MYPN: variants seen among roughly 807,000 people sequenced by gnomAD.
MYPN encodes the protein myopalladin, also known as sarcomeric protein myopalladin, 145 kDa (MYOP).
MYPN carries 63 observed loss-of-function variants against 129.4 expected under a neutral mutation model. The ratio of observed to expected loss-of-function variants is 0.49; its 90% confidence interval spans 0.40 to 0.60. The LOEUF is 0.60. MYPN is among the 20% of genes least tolerant of loss of function. The probability of loss-of-function intolerance (pLI) is 0.00; values close to 1 mark genes in which losing one functional copy is unlikely to be tolerated. For missense variants in MYPN, 1,596 were observed against 1,635.4 expected, an observed-to-expected ratio of 0.98 and a Z score of 0.42; for synonymous variants, 629 against 600.9, an observed-to-expected ratio of 1.05 and a Z score of -0.68.
rs1057523127 is a variant in MYPN at position 68,188,937 on chromosome 10, G to A, written c.2736G>A (p.Leu912=). ...EYKISSFEQR[L]MNEIEFRLER... is the part of the protein sequence containing the mutation. Reference sequence around the variant, plus strand: ...AAATTTCAAGCTTTGAGCAGAGGCTGATGAATGAAATAGAGTTTCGCTTGG... The same window carrying A: ...AAATTTCAAGCTTTGAGCAGAGGCTAATGAATGAAATAGAGTTTCGCTTGG... Residue 912 remains leucine, a synonymous_variant, in exon 13 of 20, where the codon CTG becomes CTA. Transcript: ENST00000358913. The A allele has an allele frequency of 1.2e-6, 2 of 1,614,050 alleles. No individual in the cohort carries two copies. The highest frequency in any genetic ancestry group is 2.7e-5 in the African/African-American group (2 of 75,058).
chr10:68,158,900 C>T (rs1241880040), intron 7 of MYPN, among the ~76,000 whole-genome samples: 1 of 105,578 alleles, frequency 9.5e-6, no homozygotes, highest in Non-Finnish European at 2.1e-5. Flanking sequence ...CACAGAGCCT[C>T]CTTACTTTTT....
intron 2 of MYPN, among the ~76,000 whole-genome samples, chr10:68,134,978 G>C (rs1276752022): frequency 6.6e-6 from 1 of 151,462 alleles, no homozygotes; most frequent in Non-Finnish European, 1.5e-5. Context: ...TTTGAAACAG[G>C]TCTCACTCCT....
chr10:68,102,998 C>A (rs1224569364), upstream of MYPN, among the ~76,000 whole-genome samples: 1 of 152,140 alleles, frequency 6.6e-6, no homozygotes, highest in African/African-American at 2.4e-5. Context: ...TTACATTGAA[C>A]CATGAATCTT....
intron 1 of MYPN, among the ~76,000 whole-genome samples, chr10:68,120,020 G>A (rs1042089388): frequency 1.3e-5 from 2 of 152,190 alleles, no homozygotes; most frequent in African/African-American, 4.8e-5. Flanking sequence ...TTCTATTATA[G>A]GATGTTAAAG....
At chr10:68,135,935 CA>C (rs1462706082) in intron 2 of MYPN, among the ~76,000 whole-genome samples, 2 of 152,062 alleles carry the variant, frequency 1.3e-5, no homozygotes, top group African/African-American at 4.8e-5. Context: ...GAGGGAATAA[CA>C]GAAGTTGGGA....
intron 1 of MYPN, among the ~76,000 whole-genome samples, chr10:68,097,920 G>A (rs965332804): frequency 1.3e-5 from 2 of 152,074 alleles, no homozygotes; most frequent in Non-Finnish European, 2.9e-5. Context: ...TAGTTCATGT[G>A]CATCATTATT....
chr10:68,104,116 A>G (rs1422580356), upstream of MYPN, among the ~76,000 whole-genome samples: 1 of 152,230 alleles, frequency 6.6e-6, no homozygotes, highest in Non-Finnish European at 1.5e-5. Context: ...AAATGAGAGT[A>G]ACTTAGACTA....
rs747764237 is a variant in MYPN, at chr10:68,166,427, C to T, written c.1734C>T (p.Leu578=). The stretch of plus-strand genomic sequence containing the variant: ...TGGAACAACCCCCCAAACCCAAACT[C>T]GAGGGGGTTCTGGTGAACCACAATG... ...PSVEQPPKPK[L]EGVLVNHNEP... Residue 578 remains leucine (L), a synonymous_variant, in exon 10 of 20, where the codon CTC becomes CTT. Coordinates refer to ENST00000358913, the MANE Select transcript of MYPN (RefSeq NM_032578.4). 1.1e-5 allele frequency: 17 copies of T among 1,614,100 alleles called. No homozygotes were observed. Among genetic ancestry groups the T allele is most frequent in the Middle Eastern group, 3.3e-4 (2 of 6,060 alleles).
intron 5 of MYPN, among the ~76,000 whole-genome samples, chr10:68,149,693 G>A (rs1011502137): frequency 6.6e-6 from 1 of 152,160 alleles, no homozygotes; most frequent in Non-Finnish European, 1.5e-5. Context: ...GTGCAGAGGG[G>A]TCAAGTTTTA....
intron 1 of MYPN, among the ~76,000 whole-genome samples, chr10:68,095,845 T>C (rs879528716): frequency 6.6e-6 from 1 of 152,104 alleles, no homozygotes. Context: ...GTGGTGACAA[T>C]GGCTGTACAA....
At chr10:68,153,572 C>T (rs1218331752) in intron 6 of MYPN, among the ~76,000 whole-genome samples, 2 of 152,144 alleles carry the variant, frequency 1.3e-5, no homozygotes, top group East Asian at 3.9e-4. Flanking sequence ...TGTGCTTTTG[C>T]CTCCATAAAT....
At chr10:68,118,381 G>A (rs2042188117) in intron 1 of MYPN, among the ~76,000 whole-genome samples, 1 of 152,118 alleles carries the variant, frequency 6.6e-6, no homozygotes, top group African/African-American at 2.4e-5. Context: ...AGAAACCAAA[G>A]CTCAAATAAG....
At chr10:68,149,047 G>A (rs188690184) in intron 5 of MYPN, among the ~76,000 whole-genome samples, 44 of 152,092 alleles carry the variant, frequency 2.9e-4, no homozygotes, top group Non-Finnish European at 4.7e-4. Context: ...GCAACATAGC[G>A]AGACCCTATC....
At chr10:68,161,897 T>C in intron 8 of MYPN, 145 bp downstream of exon 8, 1 of 632,406 alleles carries the variant, frequency 1.6e-6, no homozygotes, top group Non-Finnish European at 2.7e-6. Flanking sequence ...GTGCAGTGGC[T>C]CATGTCTGTA....
At position 68,184,397 on chromosome 10, in the gene MYPN, G is replaced by A. The variant is rs116801717; in HGVS notation, c.2704-4508G>A. On this transcript the variant is annotated intron_variant, in intron 12 of 19. Transcript: ENST00000358913. ...AGATTTACCAGAGTAAACACGAGGA[G>A]TCCAGAGTAAACCCAGATCCTGTGT... Among the ~76,000 whole-genome samples the A allele has an allele frequency of 3.2e-3, 482 of 152,210 alleles. 4 individuals carry two copies. The highest frequency in any genetic ancestry group is 0.011 in the African/African-American group (460 of 41,536).
chr10:68,155,636 C>T (rs577316848), intron 6 of MYPN, among the ~76,000 whole-genome samples: 10 of 152,292 alleles, frequency 6.6e-5, no homozygotes, highest in Admixed American at 2.0e-4. Flanking sequence ...TTGTGATGAA[C>T]GTGATGACAG....
At chr10:68,094,221 C>G (rs569701649) in intron 1 of MYPN, among the ~76,000 whole-genome samples, 1 of 152,050 alleles carries the variant, frequency 6.6e-6, no homozygotes, top group South Asian at 2.1e-4. Flanking sequence ...GCCTAATCTG[C>G]TGGGAATGCA....
At chr10:68,128,566 G>A (rs2042360784) in intron 2 of MYPN, among the ~76,000 whole-genome samples, 1 of 152,106 alleles carries the variant, frequency 6.6e-6, no homozygotes, top group Admixed American at 6.5e-5. Context: ...TAGACACTAA[G>A]GTTAAAGCAG....
rs1417731650 is a variant in MYPN, at chr10:68,201,861, G to C, written c.3526G>C (p.Glu1176Gln). Residue 1176 changes from glutamate (E) to glutamine (Q), a missense_variant, in exon 18 of 20, where the codon GAG becomes CAG. Transcript: ENST00000358913. ...KEVKKAPVIL[E>Q]KLQNCGVPEG... Reference sequence around the variant, plus strand: ...GGTGAAGAAAGCACCTGTGATCCTGGAGAAACTACAGAACTGCGGTGTTCC... The same window carrying C: ...GGTGAAGAAAGCACCTGTGATCCTGCAGAAACTACAGAACTGCGGTGTTCC... The C allele has an allele frequency of 3.7e-6, 6 of 1,613,978 alleles. No homozygotes were observed. Among genetic ancestry groups the C allele is most frequent in the Non-Finnish European group, 5.1e-6 (6 of 1,180,034 alleles).
Sources: allele counts gnomAD v4.1 joint callset (sites outside exome capture counted in the v4.1 genomes callset), GRCh38; gene constraint gnomAD v4.1.1; transcripts MANE v1.5; gene names NCBI Gene and HGNC (gene_info 2026-07-23, HGNC 2026-07-21).